The following MACROD2 variants were observed in gnomAD, a reference collection of about 807,000 sequenced individuals.
MACROD2 encodes the protein ADP-ribose glycohydrolase MACROD2.
A neutral mutation model predicts 70.4 loss-of-function variants in MACROD2; 36 were observed. The ratio of observed to expected loss-of-function variants is 0.51; its 90% CI spans 0.39 to 0.68. MACROD2 has a LOEUF of 0.68. Ranked by LOEUF, MACROD2 falls within the 30% of genes least tolerant of loss-of-function variation. The probability of loss-of-function intolerance (pLI) is 0.00; values close to 1 mark genes in which losing one functional copy is unlikely to be tolerated. For missense variants in MACROD2, 496 were observed against 538.4 expected, an observed-to-expected ratio of 0.92 and a Z score of 0.78; for synonymous variants, 172 against 178.8, an observed-to-expected ratio of 0.96 and a Z score of 0.30.
intron 3 of MACROD2, among the ~76,000 whole-genome samples, chr20:14,443,468 T>C (rs1197782639): frequency 2.0e-5 from 3 of 151,802 alleles, no homozygotes. Context: ...GTCTGACTTT[T>C]GTATTTTTAG....
At chr20:14,014,759 G>T (rs1239632386) in intron 2 of MACROD2, among the ~76,000 whole-genome samples, 1 of 151,774 alleles carries the variant, frequency 6.6e-6, no homozygotes, top group African/African-American at 2.4e-5. Context: ...GAATACATCT[G>T]TTCTTTCTTG....
At chr20:14,464,278 G>A (rs1390490056) in intron 3 of MACROD2, among the ~76,000 whole-genome samples, 3 of 151,886 alleles carry the variant, frequency 2.0e-5, no homozygotes, top group Admixed American at 6.6e-5. Flanking sequence ...TGTATGTGTC[G>A]AGGAATTTAT....
At chr20:14,765,551 G>A (rs948775635) in intron 5 of MACROD2, among the ~76,000 whole-genome samples, 1 of 152,020 alleles carries the variant, frequency 6.6e-6, no homozygotes, top group Non-Finnish European at 1.5e-5. Flanking sequence ...TAGTAGATAG[G>A]GTAGCTAGTG....
chr20:14,999,250 A>G (rs1568919099), intron 5 of MACROD2, among the ~76,000 whole-genome samples: 1 of 152,182 alleles, frequency 6.6e-6, no homozygotes, highest in Non-Finnish European at 1.5e-5. Context: ...ATAGTATAAC[A>G]CTCATTGTGG....
chr20:14,734,339 A>G (rs2071632667), intron 5 of MACROD2, among the ~76,000 whole-genome samples: 1 of 152,058 alleles, frequency 6.6e-6, no homozygotes, highest in African/African-American at 2.4e-5. Context: ...TCTACTAAAA[A>G]TACGAAAAAA....
chr20:15,575,463 G>T (rs1321255474), intron 8 of MACROD2, among the ~76,000 whole-genome samples: 1 of 152,134 alleles, frequency 6.6e-6, no homozygotes, highest in African/African-American at 2.4e-5. Flanking sequence ...CAGCTCTAGT[G>T]AGGACCTAGG....
At chr20:14,588,954 A>G (rs1277145964) in intron 4 of MACROD2, among the ~76,000 whole-genome samples, 1 of 152,146 alleles carries the variant, frequency 6.6e-6, no homozygotes, top group Non-Finnish European at 1.5e-5. Flanking sequence ...ACATTTTTGA[A>G]TGATTAAATT....
intron 5 of MACROD2, among the ~76,000 whole-genome samples, chr20:14,788,780 T>TA (rs1441728842): frequency 1.4e-5 from 2 of 143,756 alleles, no homozygotes; most frequent in Non-Finnish European, 3.0e-5. Context: ...TTTTTTTTTT[T>TA]TTTTTTGAGA....
Position 14,890,331 on chromosome 20 carries a change from C to G in MACROD2, c.418+205372C>G, listed in dbSNP as rs1600774410. On this transcript the variant is annotated intron_variant, in intron 5 of 17. Transcript: ENST00000684519. ...AGGTCTGAGCCTTGGTCCATTCCCC[C>G]AGTAAGAGGTAAGGGATATGGACAG... Among the ~76,000 whole-genome samples the G allele has an allele frequency of 2.0e-5, 3 of 152,100 alleles. 1 individual carries two copies. The South Asian group carries it at 6.3e-4, about 32-fold the overall frequency.
chr20:15,418,022 CTG>C, intron 6 of MACROD2, among the ~76,000 whole-genome samples: 1 of 152,336 alleles, frequency 6.6e-6, no homozygotes, highest in African/African-American at 2.4e-5. Flanking sequence ...CTCACTGACT[CTG>C]TTCTGCAGTG....
rs77892793 is a variant in MACROD2, at chr20:15,868,485, A to G, written c.727+5659A>G. ...AATATGATCATTACATAGGTTTTAT[A>G]TATCTAATAAAAGTGTGGAACTAAA... On this transcript the variant is annotated intron_variant, in intron 9 of 17. Coordinates refer to ENST00000684519, the MANE Select transcript of MACROD2 (RefSeq NM_001351661.2). 7.7e-3 allele frequency among the ~76,000 whole-genome samples: 1,169 copies of G among 152,272 alleles called. 17 individuals carry two copies. The highest frequency in any genetic ancestry group is 0.027 in the African/African-American group (1,102 of 41,548).
At chr20:16,003,533 G>C (rs1011944995) in intron 15 of MACROD2, among the ~76,000 whole-genome samples, 5 of 152,184 alleles carry the variant, frequency 3.3e-5, no homozygotes, top group African/African-American at 1.2e-4. Flanking sequence ...GCTCCAGCAG[G>C]TGTAGCCCAA....
At chr20:14,427,348 G>A (rs143804272) in intron 3 of MACROD2, among the ~76,000 whole-genome samples, 121 of 151,868 alleles carry the variant, frequency 8.0e-4, no homozygotes, top group Middle Eastern at 3.4e-3. Context: ...TCGCCTTCTA[G>A]TTTGTCTACA....
At position 15,159,302 on chromosome 20, in the gene MACROD2, T is replaced by C. The variant is rs543732922; in HGVS notation, c.419-70638T>C. Among the ~76,000 whole-genome samples, 16 of 152,246 alleles carry C rather than the reference T, an allele frequency of 1.1e-4. No individual in the cohort carries two copies. In the South Asian group the frequency reaches 3.3e-3, roughly 32 times the overall value. On this transcript the variant is annotated intron_variant, in intron 5 of 17. Transcript: ENST00000684519. ...CTCCCCTATTTTCTTCTGATTTAGG[T>C]TCATTCTCTGCCTTTTTTTCCCTCT...
At chr20:14,485,799 A>G (rs1351264058) in intron 3 of MACROD2, among the ~76,000 whole-genome samples, 1 of 151,226 alleles carries the variant, frequency 6.6e-6, no homozygotes, top group Non-Finnish European at 1.5e-5. Flanking sequence ...ATTCTTTAAC[A>G]TGTTCAAATG....
chr20:15,972,676 G>A (rs554608070), intron 13 of MACROD2, among the ~76,000 whole-genome samples: 1 of 152,070 alleles, frequency 6.6e-6, no homozygotes, highest in Non-Finnish European at 1.5e-5. Context: ...AAGGCACGGT[G>A]GTGGGCACCT....
chr20:14,233,204 T>C (rs2081834963), intron 3 of MACROD2, among the ~76,000 whole-genome samples: 1 of 151,952 alleles, frequency 6.6e-6, no homozygotes, highest in Admixed American at 6.6e-5. Flanking sequence ...ATAATGGAAA[T>C]GTCTGAAATG....
At chr20:14,909,484 G>C (rs2073999854) in intron 5 of MACROD2, among the ~76,000 whole-genome samples, 1 of 151,904 alleles carries the variant, frequency 6.6e-6, no homozygotes, top group South Asian at 2.1e-4. Context: ...GTTAACACTT[G>C]TTACTTACCT....
intron 5 of MACROD2, among the ~76,000 whole-genome samples, chr20:14,829,984 T>C (rs2072946287): frequency 6.6e-6 from 1 of 152,164 alleles, no homozygotes; most frequent in African/African-American, 2.4e-5. Context: ...ATGAGTTTCA[T>C]GTTGAATTAA....
Sources: allele counts gnomAD v4.1 joint callset (sites outside exome capture counted in the v4.1 genomes callset), GRCh38; gene constraint gnomAD v4.1.1; transcripts MANE v1.5; gene names NCBI Gene and HGNC (gene_info 2026-07-23, HGNC 2026-07-21).